The following CNTNAP5 variants were observed in gnomAD, a reference collection of about 807,000 sequenced individuals.
The protein encoded by CNTNAP5 is contactin associated protein family member 5.
Under a neutral mutation model 150.2 loss-of-function variants are expected in CNTNAP5, and 72 were observed. The observed-to-expected ratio is 0.48, with a 90% CI of 0.40 to 0.58. The LOEUF is 0.58. CNTNAP5 is among the 20% of genes least tolerant of loss of function. CNTNAP5 has a pLI of 0.00. For synonymous variants in CNTNAP5, 672 were observed against 619.8 expected (o/e 1.08, Z -1.25); for missense variants, 1,636 against 1,626.2 (o/e 1.01, Z -0.10).
At chr2:124,428,010 A>G (rs915068356) in intron 4 of CNTNAP5, among the ~76,000 whole-genome samples, 1 of 152,138 alleles carries the variant, frequency 6.6e-6, no homozygotes, top group African/African-American at 2.4e-5. Flanking sequence ...TGGTGACCTC[A>G]ATGCTGCTGG....
At chr2:124,797,839 G>T (rs1188941359) in intron 18 of CNTNAP5, among the ~76,000 whole-genome samples, 1 of 152,214 alleles carries the variant, frequency 6.6e-6, no homozygotes, top group Non-Finnish European at 1.5e-5. Flanking sequence ...AACCACAGGA[G>T]GAAAACCTGA....
intron 13 of CNTNAP5, among the ~76,000 whole-genome samples, chr2:124,738,680 G>A (rs564792963): frequency 5.3e-5 from 8 of 150,732 alleles, no homozygotes; most frequent in South Asian, 2.1e-4. Flanking sequence ...GCAGTGAGCC[G>A]AGATTATGCC....
At chr2:124,661,829 A>G (rs1473753065) in intron 13 of CNTNAP5, among the ~76,000 whole-genome samples, 1 of 151,854 alleles carries the variant, frequency 6.6e-6, no homozygotes, top group Non-Finnish European at 1.5e-5. Context: ...CTCCATTATA[A>G]TCTTTTATAA....
chr2:124,691,701 C>T (rs895212121), intron 13 of CNTNAP5, among the ~76,000 whole-genome samples: 10 of 152,132 alleles, frequency 6.6e-5, no homozygotes, highest in East Asian at 3.9e-4. Context: ...TCATTCCATG[C>T]GCTCAGTGGT....
At chr2:124,292,642 T>C in intron 3 of CNTNAP5, among the ~76,000 whole-genome samples, 1 of 152,056 alleles carries the variant, frequency 6.6e-6, no homozygotes, top group East Asian at 1.9e-4. Context: ...ACAAGTTTTA[T>C]TGTATAATAT....
chr2:124,426,941 C>T (rs1280009661), intron 4 of CNTNAP5, among the ~76,000 whole-genome samples: 1 of 152,194 alleles, frequency 6.6e-6, no homozygotes, highest in Non-Finnish European at 1.5e-5. Context: ...AGCCTGCCTT[C>T]ATTCTAAGGA....
At chr2:124,888,312 T>C (rs928534101) in intron 21 of CNTNAP5, among the ~76,000 whole-genome samples, 1 of 152,174 alleles carries the variant, frequency 6.6e-6, no homozygotes, top group Non-Finnish European at 1.5e-5. Flanking sequence ...TATTCAATAG[T>C]GTATATGTAC....
At chr2:124,310,234 G>T (rs2104656246) in intron 3 of CNTNAP5, among the ~76,000 whole-genome samples, 1 of 152,156 alleles carries the variant, frequency 6.6e-6, no homozygotes, top group African/African-American at 2.4e-5. Flanking sequence ...ATTAATGCTG[G>T]CATATTGGGG....
chr2:124,481,845 A>G (rs17675373), intron 7 of CNTNAP5, among the ~76,000 whole-genome samples: 31,579 of 152,104 alleles, frequency 0.21, 3,583 homozygotes, highest in East Asian at 0.34. Context: ...CATGGTGCAA[A>G]AATAATTTTC....
chr2:124,574,895 T>C (rs1396933126), intron 11 of CNTNAP5, among the ~76,000 whole-genome samples: 1 of 152,200 alleles, frequency 6.6e-6, no homozygotes, highest in Non-Finnish European at 1.5e-5. Flanking sequence ...GACTTATGTA[T>C]AGCAAGTTAT....
At chr2:124,178,404 CTTAATA>C (rs1410027045) in intron 1 of CNTNAP5, among the ~76,000 whole-genome samples, 2 of 152,098 alleles carry the variant, frequency 1.3e-5, no homozygotes, top group African/African-American at 2.4e-5. Flanking sequence ...TATCCAAGTT[CTTAATA>C]TTATCATTCA....
intron 3 of CNTNAP5, among the ~76,000 whole-genome samples, chr2:124,333,497 A>G (rs1197863995): frequency 2.6e-5 from 4 of 152,162 alleles, no homozygotes; most frequent in African/African-American, 9.6e-5. Context: ...TGTCAGGTGG[A>G]ACAAAGAGGA....
intron 8 of CNTNAP5, among the ~76,000 whole-genome samples, chr2:124,513,848 G>T (rs1210831495): frequency 6.6e-6 from 1 of 152,128 alleles, no homozygotes; most frequent in East Asian, 1.9e-4. Context: ...GCAGCCAGGT[G>T]GTTATAGGCT....
intron 21 of CNTNAP5, among the ~76,000 whole-genome samples, chr2:124,892,571 T>C (rs1234957273): frequency 6.6e-6 from 1 of 152,130 alleles, no homozygotes; most frequent in African/African-American, 2.4e-5. Context: ...AAGGGACCGT[T>C]CTCTTTAAAC....
chr2:124,903,621 C>T (rs1359032094), intron 22 of CNTNAP5, among the ~76,000 whole-genome samples: 1 of 152,168 alleles, frequency 6.6e-6, no homozygotes, highest in Non-Finnish European at 1.5e-5. Flanking sequence ...TTAATCAACA[C>T]ATCACTGCAC....
At chr2:124,479,076 G>T (rs751120147) in intron 7 of CNTNAP5, among the ~76,000 whole-genome samples, 6 of 152,034 alleles carry the variant, frequency 3.9e-5, no homozygotes, top group Non-Finnish European at 8.8e-5. Flanking sequence ...TCCACATCCC[G>T]AAATGCAGTA....
intron 10 of CNTNAP5, among the ~76,000 whole-genome samples, chr2:124,562,508 T>C (rs1457548509): frequency 6.6e-6 from 1 of 152,186 alleles, no homozygotes; most frequent in African/African-American, 2.4e-5. Context: ...CATATATATT[T>C]TTCATATTTT....
intron 1 of CNTNAP5, among the ~76,000 whole-genome samples, chr2:124,134,540 T>C (rs562862158): frequency 6.6e-6 from 1 of 152,330 alleles, no homozygotes; most frequent in South Asian, 2.1e-4. Context: ...TCTGGCACAA[T>C]GAATGCTCTA....
chr2:124,740,760 A>G (rs1395029751), intron 13 of CNTNAP5, among the ~76,000 whole-genome samples: 1 of 152,180 alleles, frequency 6.6e-6, no homozygotes, highest in African/African-American at 2.4e-5. Context: ...CCTTATTCTC[A>G]CACTCACTCA....
Sources: gnomAD v4.1 joint callset for allele counts (sites outside exome capture counted in the v4.1 genomes callset) on GRCh38, gnomAD v4.1.1 for gene constraint, MANE v1.5 for transcripts, NCBI Gene and HGNC (gene_info 2026-07-23, HGNC 2026-07-21) for gene names.